NDUFAF6: variants seen among roughly 807,000 people sequenced by gnomAD.
NDUFAF6 encodes NADH:ubiquinone oxidoreductase complex assembly factor 6, also known as NADH dehydrogenase (ubiquinone) complex I, assembly factor 6.
Under a neutral mutation model 40.8 loss-of-function variants are expected in NDUFAF6, and 45 were observed. The observed-to-expected ratio is 1.10, with a 90% confidence interval of 0.87 to 1.42. NDUFAF6 has a LOEUF of 1.42. NDUFAF6 is among the 40% of genes most tolerant of loss of function. The pLI, the probability that NDUFAF6 is intolerant of heterozygous loss-of-function variation, is 0.00. For missense variants in NDUFAF6, 435 were observed against 418.5 expected, an observed-to-expected ratio of 1.04 and a Z score of -0.34; for synonymous variants, 185 against 155.9, an observed-to-expected ratio of 1.19 and a Z score of -1.39.
At chr8:95,025,746 T>C (rs942324052) in intron 1 of NDUFAF6, among the ~76,000 whole-genome samples, 4 of 152,226 alleles carry the variant, frequency 2.6e-5, no homozygotes, top group African/African-American at 9.6e-5. Flanking sequence ...CTGGGTTTTA[T>C]AGTGATTAGA....
At chr8:94,897,706 C>CATT in intron 1 of NDUFAF6, among the ~76,000 whole-genome samples, 1 of 131,944 alleles carries the variant, frequency 7.6e-6, no homozygotes, top group Non-Finnish European at 1.6e-5. Flanking sequence ...TATTCTGTGC[C>CATT]TTTTTTTTTT....
At chr8:95,082,902 C>G (rs986596558) in intron 2 of NDUFAF6, among the ~76,000 whole-genome samples, 1 of 152,018 alleles carries the variant, frequency 6.6e-6, no homozygotes, top group Non-Finnish European at 1.5e-5. Flanking sequence ...CCTCGTGATC[C>G]CCCGCCTCGG....
At chr8:94,976,743 G>T (rs927670185) in intron 1 of NDUFAF6, among the ~76,000 whole-genome samples, 9 of 152,106 alleles carry the variant, frequency 5.9e-5, no homozygotes, top group African/African-American at 1.9e-4. Context: ...AAGGGAAGTT[G>T]TTGTTTATGT....
chr8:94,952,058 G>T (rs1200095529), intron 2 of NDUFAF6, among the ~76,000 whole-genome samples: 1 of 152,240 alleles, frequency 6.6e-6, no homozygotes, highest in African/African-American at 2.4e-5. Flanking sequence ...CTGACCCCCT[G>T]CTGTGGGGGT....
At chr8:95,040,206 T>G (rs781018560) in intron 3 of NDUFAF6, among the ~76,000 whole-genome samples, 9 of 152,168 alleles carry the variant, frequency 5.9e-5, no homozygotes, top group Non-Finnish European at 1.2e-4. Flanking sequence ...AATTTTGGAT[T>G]TGTCTGATGT....
intron 2 of NDUFAF6, among the ~76,000 whole-genome samples, chr8:95,082,481 A>T (rs1461356595): frequency 6.6e-6 from 1 of 151,152 alleles, no homozygotes; most frequent in Admixed American, 6.6e-5. Context: ...GAATCACTCG[A>T]AGGTACTTAA....
downstream of NDUFAF6, among the ~76,000 whole-genome samples, chr8:95,104,554 G>C (rs1220787424): frequency 6.6e-6 from 1 of 152,140 alleles, no homozygotes; most frequent in African/African-American, 2.4e-5. Flanking sequence ...GTCTTTCTCA[G>C]CCTCGTCTAA....
intron 9 of NDUFAF6, among the ~76,000 whole-genome samples, chr8:95,066,268 T>C (rs966150894): frequency 6.7e-6 from 1 of 149,160 alleles, no homozygotes; most frequent in African/African-American, 2.5e-5. Flanking sequence ...TGTGCCATCA[T>C]GCCTGGCTTG....
chr8:94,938,846 T>C (rs188546863), intron 1 of NDUFAF6, among the ~76,000 whole-genome samples: 184 of 152,340 alleles, frequency 1.2e-3, no homozygotes, highest in African/African-American at 4.3e-3. Context: ...GAAGGGGTCG[T>C]GGGAACACCA....
chr8:95,027,698 T>A (rs1419720418), intron 1 of NDUFAF6, among the ~76,000 whole-genome samples: 1 of 151,890 alleles, frequency 6.6e-6, no homozygotes, highest in African/African-American at 2.4e-5. Flanking sequence ...CTTAGCAGAG[T>A]TCAGACACAT....
intron 1 of NDUFAF6, chr8:94,941,093 T>C (rs891033120): frequency 1.0e-4 from 60 of 602,112 alleles, no homozygotes; most frequent in Non-Finnish European, 2.9e-6. Flanking sequence ...TCATTGTACC[T>C]AAAATAAAAC....
chr8:94,918,577 C>T (rs930101622), intron 1 of NDUFAF6, among the ~76,000 whole-genome samples: 6 of 152,270 alleles, frequency 3.9e-5, no homozygotes, highest in Admixed American at 6.5e-5. Context: ...AGTTGTCAAA[C>T]GTTTCTTTGA....
chr8:95,021,656 T>C (rs1259063442), upstream of NDUFAF6, among the ~76,000 whole-genome samples: 2 of 152,218 alleles, frequency 1.3e-5, no homozygotes, highest in East Asian at 1.9e-4. Flanking sequence ...GTCAGAAACA[T>C]GTTCTCTGGA....
At chr8:94,955,913 C>T (rs1224241933), upstream of NDUFAF6, among the ~76,000 whole-genome samples, 3 of 152,176 alleles carry the variant, frequency 2.0e-5, no homozygotes, top group Non-Finnish European at 4.4e-5. Context: ...AGTTACTTTA[C>T]CTGCTCAAAC....
At chr8:94,912,761 C>T (rs1284961422) in intron 1 of NDUFAF6, among the ~76,000 whole-genome samples, 25 of 150,572 alleles carry the variant, frequency 1.7e-4, no homozygotes, top group Admixed American at 6.0e-4. Flanking sequence ...TGCAGTGAGC[C>T]GAGATCATGC....
chr8:95,091,348 A>G (rs560024654), intron 2 of NDUFAF6, among the ~76,000 whole-genome samples: 1 of 152,048 alleles, frequency 6.6e-6, no homozygotes, highest in South Asian at 2.1e-4. Flanking sequence ...CTCTTATAAA[A>G]CCATCAGATC....
At chr8:94,985,679 G>T (rs1435358045) in intron 2 of NDUFAF6, among the ~76,000 whole-genome samples, 11 of 147,524 alleles carry the variant, frequency 7.5e-5, no homozygotes, top group African/African-American at 2.7e-4. Context: ...GGGATTACAG[G>T]CATGCACCAC....
At chr8:95,088,111 A>C (rs1809109586) in intron 2 of NDUFAF6, among the ~76,000 whole-genome samples, 1 of 152,222 alleles carries the variant, frequency 6.6e-6, no homozygotes, top group South Asian at 2.1e-4. Context: ...GTCCACAGCC[A>C]GGTGCCTGCA....
At chr8:95,027,854 C>G (rs1408337202) in intron 1 of NDUFAF6, among the ~76,000 whole-genome samples, 1 of 152,144 alleles carries the variant, frequency 6.6e-6, no homozygotes, top group Non-Finnish European at 1.5e-5. Context: ...CTCTAAATAG[C>G]AGGAAAAATA....
Sources: allele counts gnomAD v4.1 joint callset (sites outside exome capture counted in the v4.1 genomes callset), GRCh38; gene constraint gnomAD v4.1.1; transcripts MANE v1.5; gene names NCBI Gene and HGNC (gene_info 2026-07-23, HGNC 2026-07-21).